The following RAF1 variants were observed in gnomAD, a reference collection of about 807,000 sequenced individuals.
RAF1 encodes the protein RAF proto-oncogene serine/threonine-protein kinase.
Under a neutral mutation model 81.1 loss-of-function variants are expected in RAF1, and 27 were observed. The ratio of observed to expected loss-of-function variants is 0.33; its 90% CI spans 0.25 to 0.46. The LOEUF (loss-of-function observed/expected upper bound fraction) is 0.46. Among genes scored for constraint, RAF1 ranks in the 20% least tolerant of loss-of-function variants. The pLI, the probability that RAF1 is intolerant of heterozygous loss-of-function variation, is 1.00. For missense variants in RAF1, 598 were observed against 826.0 expected, an observed-to-expected ratio of 0.72 and a Z score of 3.38; for synonymous variants, 298 against 294.0, an observed-to-expected ratio of 1.01 and a Z score of -0.14.
In RAF1 at chr3:12,663,940, G is replaced by A. The variant is rs1211911190; in HGVS notation, c.-154C>T. 2.5e-6 allele frequency: 1 copy of A among 398,278 alleles called. No individual in the cohort carries two copies. The highest frequency in any genetic ancestry group is 4.4e-6 in the Non-Finnish European group (1 of 225,878). The allele number at this position is 398,278 out of a possible 1,614,324, so 24.7% of individuals were successfully genotyped here. A position where few individuals can be genotyped will look rare whatever the true frequency, so the allele number is the denominator to read the frequency against. Reference sequence around the variant, plus strand: ...GCGCGTCCCCAGCCCAGGGGACGGAGCCCCGAGCAGCCCCCGCATCGTAGC... The same window carrying A: ...GCGCGTCCCCAGCCCAGGGGACGGAACCCCGAGCAGCCCCCGCATCGTAGC... On this transcript the variant is annotated 5_prime_UTR_variant, in exon 1 of 18. Coordinates refer to ENST00000442415, the MANE Select transcript of RAF1 (RefSeq NM_001354689.3).
At chr3:12,651,781 G>A (rs191748082) in intron 1 of RAF1, among the ~76,000 whole-genome samples, 29 of 151,878 alleles carry the variant, frequency 1.9e-4, no homozygotes, top group African/African-American at 4.3e-4. Context: ...AGGCCAAGGC[G>A]GGCAAATCAC....
At chr3:12,584,798 TACGAACCA>T in intron 17 of RAF1, 41 bp downstream of exon 16, 1 of 1,613,972 alleles carries the variant, frequency 6.2e-7, no homozygotes, top group Non-Finnish European at 8.5e-7. Context: ...TTGCCATCTT[TACGAACCA>T]ACCCATGCTT....
chr3:12,604,051 A>T, intron 7 of RAF1, 85 bp downstream of exon 7: 2 of 1,492,540 alleles, frequency 1.3e-6, no homozygotes, highest in Admixed American at 1.7e-5. Context: ...TTCCTTGATC[A>T]GATTTGAAAC....
intron 1 of RAF1, among the ~76,000 whole-genome samples, chr3:12,634,311 T>A (rs77707425): frequency 6.6e-6 from 1 of 150,934 alleles, no homozygotes; most frequent in Non-Finnish European, 1.5e-5. Context: ...CACGCCTGGC[T>A]AATTTTTTTT....
intron 5 of RAF1, among the ~76,000 whole-genome samples, chr3:12,606,813 T>C (rs901734675): frequency 6.6e-6 from 1 of 152,194 alleles, no homozygotes; most frequent in Non-Finnish European, 1.5e-5. Flanking sequence ...CAGTAACTTG[T>C]CATTTAACAT....
chr3:12,655,959 T>C (rs1054736797), intron 1 of RAF1, among the ~76,000 whole-genome samples: 2 of 151,736 alleles, frequency 1.3e-5, no homozygotes, highest in Non-Finnish European at 2.9e-5. Flanking sequence ...GTACTGTTTC[T>C]GTTTGAGGTA....
chr3:12,601,232 G>A (rs181093069), intron 8 of RAF1, among the ~76,000 whole-genome samples: 3 of 152,318 alleles, frequency 2.0e-5, no homozygotes, highest in African/African-American at 7.2e-5. Flanking sequence ...TGAACAGGTA[G>A]AGAGACTTGG....
At position 12,591,912 on chromosome 3, in the gene RAF1, C is replaced by G. The variant is rs5746234; in HGVS notation, c.1169-120G>C. 2.4e-5 allele frequency: 19 copies of G among 802,142 alleles called. No individual in the cohort carries two copies. In the East Asian group the frequency reaches 3.4e-4, roughly 14 times the overall value. 49.7% of individuals were successfully genotyped at this position (802,142 alleles called of 1,614,324 possible). A position where few individuals can be genotyped will look rare whatever the true frequency, so the allele number is the denominator to read the frequency against. ...AAAGAATCACATACCTACACAGATA[C>G]GGCAAATTTCCAATTTTTTTTTTTT... On this transcript the variant is annotated intron_variant, in intron 11 of 17. Transcript: ENST00000442415.
chr3:12,663,859 T>TCTCGCCCGCTC lies in RAF1; in HGVS notation c.-84_-74dup, dbSNP rs1458244088. 2 of 397,696 alleles carry TCTCGCCCGCTC rather than the reference T, an allele frequency of 5.0e-6. No homozygotes were observed. Among genetic ancestry groups the TCTCGCCCGCTC allele is most frequent in the Non-Finnish European group, 8.9e-6 (2 of 225,578 alleles). 24.6% of individuals were successfully genotyped at this position (397,696 alleles called of 1,614,324 possible). A position where few individuals can be genotyped will look rare whatever the true frequency, so the allele number is the denominator to read the frequency against. ...AACGTCCTGTCGTTCGGCGGCAGCT[T>TCTCGCCCGCTC]CTCGCCCGCTCCTCCTCCCCGCGGC... is the stretch of plus-strand genomic sequence containing the variant. On this transcript the variant is annotated 5_prime_UTR_variant, in exon 1 of 18. Coordinates refer to ENST00000442415, the MANE Select transcript of RAF1 (RefSeq NM_001354689.3).
intron 14 of RAF1, 87 bp from the exon 14 acceptor site, chr3:12,585,886 C>T: frequency 2.2e-6 from 2 of 916,648 alleles, no homozygotes; most frequent in Non-Finnish European, 1.8e-6. Flanking sequence ...ACACGGTAAT[C>T]TCTCCACCTT....
intron 1 of RAF1, among the ~76,000 whole-genome samples, chr3:12,663,004 C>T (rs2125598934): frequency 6.6e-6 from 1 of 152,214 alleles, no homozygotes; most frequent in South Asian, 2.1e-4. Flanking sequence ...CAAGGATACA[C>T]TAAGTTCCAT....
chr3:12,631,639 T>G (rs1436029836), intron 1 of RAF1, among the ~76,000 whole-genome samples: 2 of 152,234 alleles, frequency 1.3e-5, no homozygotes, highest in Non-Finnish European at 2.9e-5. Context: ...CAGTAGTGTT[T>G]GTAAAGCACT....
chr3:12,629,668 G>A (rs555163372), intron 1 of RAF1, among the ~76,000 whole-genome samples: 5 of 152,322 alleles, frequency 3.3e-5, no homozygotes, highest in Admixed American at 6.5e-5. Flanking sequence ...GTGCATTCAT[G>A]GGAGAGGCGG....
chr3:12,609,080 T>A (rs1256730650), intron 4 of RAF1, among the ~76,000 whole-genome samples, 153 bp downstream of exon 4: 1 of 152,216 alleles, frequency 6.6e-6, no homozygotes, highest in Non-Finnish European at 1.5e-5. Flanking sequence ...CTCTGACTAA[T>A]GAAATCTAAA....
chr3:12,626,589 TA>T (rs35131384), intron 1 of RAF1, among the ~76,000 whole-genome samples: 80,779 of 146,012 alleles, frequency 0.55, 22,908 homozygotes, highest in East Asian at 0.92. Context: ...AGACCTTGTC[TA>T]AAAAAAAAAA....
Position 12,605,680 on chromosome 3 carries a change from A to G in RAF1, c.680+521T>C, listed in dbSNP as rs184175605. Among the ~76,000 whole-genome samples the G allele has an allele frequency of 3.3e-3, 500 of 152,370 alleles. 4 individuals are homozygous for G. Among genetic ancestry groups the G allele is most frequent in the African/African-American group, 0.012 (488 of 41,586 alleles). ...GCAACAAAACTGATTATAAAGCTGG[A>G]AAACAGAGTAAAGAAAGACAAGTTA... On this transcript the variant is annotated intron_variant, in intron 6 of 17. Transcript: ENST00000442415.
Position 12,584,266 on chromosome 3 carries a change from G to A in RAF1, c.*248C>T. Reference sequence around the variant, plus strand: ...CACTTGCGCATCTACAGAAGGCTGGGCCTTGAGCATGGGGAATGTGGGGAG... The same window carrying A: ...CACTTGCGCATCTACAGAAGGCTGGACCTTGAGCATGGGGAATGTGGGGAG... On this transcript the variant is annotated 3_prime_UTR_variant, in exon 18 of 18. Transcript: ENST00000442415. The A allele has an allele frequency of 1.8e-6, 1 of 547,514 alleles. No homozygotes were observed. Among genetic ancestry groups the A allele is most frequent in the Admixed American group, 3.1e-5 (1 of 32,260 alleles). The allele number at this position is 547,514 out of a possible 1,614,324, so 33.9% of individuals were successfully genotyped here.
chr3:12,588,754 A>G (rs2058410324), intron 13 of RAF1: 1 of 152,198 alleles, frequency 6.6e-6, no homozygotes, highest in Non-Finnish European at 1.5e-5. Context: ...GGTGGGAGGT[A>G]TTGGGTAACC....
intron 3 of RAF1, among the ~76,000 whole-genome samples, chr3:12,611,730 A>G (rs2059216791): frequency 6.6e-6 from 1 of 152,216 alleles, no homozygotes; most frequent in Non-Finnish European, 1.5e-5. Context: ...GGTATTGGTC[A>G]TCAGGCCCAG....
Sources: gnomAD v4.1 joint callset for allele counts (sites outside exome capture counted in the v4.1 genomes callset) on GRCh38, gnomAD v4.1.1 for gene constraint, MANE v1.5 for transcripts, NCBI Gene and HGNC (gene_info 2026-07-23, HGNC 2026-07-21) for gene names.